NLRC4: variants seen among roughly 807,000 people sequenced by gnomAD.
The protein encoded by NLRC4 is NLR family CARD domain-containing protein 4.
A neutral mutation model predicts 79.9 loss-of-function variants in NLRC4; 63 were observed. The ratio of observed to expected loss-of-function variants is 0.79; its 90% CI spans 0.64 to 0.97. The LOEUF (loss-of-function observed/expected upper bound fraction) is 0.97, where lower values mean the gene tolerates loss of function less well. Ranked by LOEUF, NLRC4 falls within the 50% of genes least tolerant of loss-of-function variation. The pLI is 0.00. For missense variants in NLRC4, 1,074 were observed against 1,215.2 expected (o/e 0.88, Z 1.73); for synonymous variants, 461 against 456.5 (o/e 1.01, Z -0.12).
chr2:32,249,619 G>T lies in NLRC4; in HGVS notation c.2245C>A (p.Gln749Lys). The T allele has an allele frequency of 6.3e-7, 1 of 1,586,350 alleles. No individual in the cohort carries two copies. Among genetic ancestry groups the T allele is most frequent in the South Asian group, 1.2e-5 (1 of 86,764 alleles). ...ATATTTACAATACCCGGCAGCCGTT[G>T]ATTCTGTAGGTCATGAATACTCAAG... Reference protein sequence around the residue: ...KTLSIHDLQNQRLPGGLTDSL... With the variant: ...KTLSIHDLQNKRLPGGLTDSL... The change falls in exon 4 of 9, where the codon CAA becomes AAA. Residue 749 changes from glutamine to lysine, a missense_variant. By Grantham distance (53) the Gln-to-Lys change is moderately conservative. Transcript: ENST00000402280.
chr2:32,236,217 A>G (rs750580592), intron 7 of NLRC4, 30 bp downstream of exon 7: 1 of 1,382,694 alleles, frequency 7.2e-7, no homozygotes, highest in Non-Finnish European at 1.0e-6. Flanking sequence ...ATATTCAAGT[A>G]TCTAATTTTG....
intron 1 of NLRC4, among the ~76,000 whole-genome samples, chr2:32,260,213 CAAAAAA>C (rs1197388989): frequency 2.7e-5 from 2 of 75,078 alleles, no homozygotes; most frequent in Non-Finnish European, 4.6e-5. Flanking sequence ...TGGGCAACGA[CAAAAAA>C]AAAAAAAAAA....
intron 8 of NLRC4, among the ~76,000 whole-genome samples, chr2:32,225,663 T>G (rs893863372): frequency 5.3e-5 from 8 of 152,224 alleles, no homozygotes; most frequent in Admixed American, 2.0e-4. Flanking sequence ...CCTACCCACC[T>G]ACCTGGCCCT....
At chr2:32,246,886 C>T (rs936416699) in intron 4 of NLRC4, among the ~76,000 whole-genome samples, 4 of 152,144 alleles carry the variant, frequency 2.6e-5, no homozygotes, top group Non-Finnish European at 4.4e-5. Context: ...AGTGATCCTC[C>T]CACCTCAGCC....
At chr2:32,240,432 G>A (rs889159304) in intron 5 of NLRC4, among the ~76,000 whole-genome samples, 78 of 148,362 alleles carry the variant, frequency 5.3e-4, no homozygotes, top group Admixed American at 1.3e-3. Context: ...TCCAACACAC[G>A]AGAAAACAGG....
Position 32,250,141 on chromosome 2 carries a change from A to T in NLRC4, c.1723T>A (p.Phe575Ile), listed in dbSNP as rs767673411. The change falls in exon 4 of 9, where the codon TTT (phenylalanine) becomes ATT (isoleucine). Residue 575 changes from phenylalanine to isoleucine, a missense_variant. By Grantham distance (21) the Phe-to-Ile change is conservative (BLOSUM62 0). Transcript: ENST00000402280. This position sits in a 1 kb window ranked among gnomAD's most constrained non-coding sequence, Gnocchi z 4.9. ...STSKSALSQE[F>I]EAFFQGKSLY... Reference sequence around the variant, plus strand: ...CTTTTACCTTGAAAGAAAGCTTCAAATTCTTGGCTCAGGGCTGATTTGGAT... The same window carrying T: ...CTTTTACCTTGAAAGAAAGCTTCAATTTCTTGGCTCAGGGCTGATTTGGAT... 6.2e-7 allele frequency: 1 copy of T among 1,614,160 alleles called. No individual in the cohort carries two copies. The highest frequency in any genetic ancestry group is 8.5e-7 in the Non-Finnish European group (1 of 1,180,026).
chr2:32,236,029 G>A lies in NLRC4; in HGVS notation c.2614+218C>T, dbSNP rs540437497. Among the ~76,000 whole-genome samples, 6 of 152,218 alleles carry A rather than the reference G, an allele frequency of 3.9e-5. No individual in the cohort carries two copies. In the South Asian group the frequency reaches 1.0e-3, roughly 26 times the overall value. On this transcript the variant is annotated intron_variant, in intron 7 of 8. Transcript: ENST00000402280. ...AAAGGAGGAAAGCAGGTGGGATACC[G>A]CCTCAAAGTGCAGTGAGCATATGTA... is the stretch of plus-strand genomic sequence containing the variant.
At chr2:32,242,746 C>T (rs1020036229) in intron 4 of NLRC4, among the ~76,000 whole-genome samples, 4 of 152,078 alleles carry the variant, frequency 2.6e-5, no homozygotes, top group Admixed American at 1.3e-4. Context: ...CAGAAAAAGA[C>T]GTAGAAGAAA....
chr2:32,243,732 C>T (rs924493826), intron 4 of NLRC4, among the ~76,000 whole-genome samples: 1 of 141,908 alleles, frequency 7.0e-6, no homozygotes, highest in Non-Finnish European at 1.5e-5. Context: ...CAGGAGGCGG[C>T]GGTTGCAGTG....
intron 6 of NLRC4, among the ~76,000 whole-genome samples, chr2:32,236,979 C>G (rs1686688315): frequency 6.6e-6 from 1 of 152,072 alleles, no homozygotes; most frequent in Non-Finnish European, 1.5e-5. Flanking sequence ...ATATTCAGAA[C>G]TTTTTTTAAA....
intron 7 of NLRC4, among the ~76,000 whole-genome samples, chr2:32,235,968 T>C (rs1372925833): frequency 1.3e-5 from 2 of 152,172 alleles, no homozygotes; most frequent in African/African-American, 4.8e-5. Context: ...AGCAAATTTG[T>C]CTTGCACATC....
intron 1 of NLRC4, among the ~76,000 whole-genome samples, chr2:32,257,858 G>A (rs1411108161): frequency 6.6e-6 from 1 of 152,052 alleles, no homozygotes; most frequent in Non-Finnish European, 1.5e-5. Context: ...CAATCCCACG[G>A]CAGTGTCTAG....
chr2:32,227,249 TG>T (rs1474579022), intron 8 of NLRC4, among the ~76,000 whole-genome samples: 2 of 152,190 alleles, frequency 1.3e-5, no homozygotes, highest in Non-Finnish European at 2.9e-5. Context: ...TGCTCATTTC[TG>T]GACTGTTACA....
intron 8 of NLRC4, among the ~76,000 whole-genome samples, chr2:32,228,783 T>G (rs1314629902): frequency 3.3e-5 from 5 of 152,062 alleles, no homozygotes; most frequent in Non-Finnish European, 7.4e-5. Flanking sequence ...TTTTTTCTTT[T>G]TTTGAGACAG....
chr2:32,232,824 T>C (rs112866161), intron 8 of NLRC4, among the ~76,000 whole-genome samples: 2,049 of 151,704 alleles, frequency 0.014, 51 homozygotes, highest in African/African-American at 0.045. Flanking sequence ...ATACAGGAGG[T>C]TGTGGTTTGA....
At chr2:32,246,817 G>A (rs910380575) in intron 4 of NLRC4, among the ~76,000 whole-genome samples, 1 of 152,148 alleles carries the variant, frequency 6.6e-6, no homozygotes, top group Non-Finnish European at 1.5e-5. Flanking sequence ...GGGTCTTGCT[G>A]TGTTGCCCAG....
chr2:32,241,731 A>C (rs1346028065), intron 4 of NLRC4, among the ~76,000 whole-genome samples: 1 of 152,188 alleles, frequency 6.6e-6, no homozygotes, highest in Non-Finnish European at 1.5e-5. Flanking sequence ...TTTTTAAATA[A>C]TCATGCATTA....
intron 3 of NLRC4, 82 bp from the exon 4 acceptor site, chr2:32,251,683 G>T: frequency 1.1e-6 from 1 of 922,362 alleles, no homozygotes. Context: ...GAACGGGGGG[G>T]TGAGGCTGAG....
chr2:32,235,389 G>A lies in NLRC4; in HGVS notation c.2782+12C>T. ...AAATCCAGTTATCTTGGCTCTGTAT[G>A]TGTGTACCTACCTAAAATTCTAATC... On this transcript the variant is annotated intron_variant, in intron 8 of 8. Coordinates refer to ENST00000402280, the MANE Select transcript of NLRC4 (RefSeq NM_001199138.2). 6 of 1,607,582 alleles carry A rather than the reference G, an allele frequency of 3.7e-6. No individual in the cohort carries two copies. The highest frequency in any genetic ancestry group is 5.1e-6 in the Non-Finnish European group (6 of 1,173,974).
Sources: allele counts gnomAD v4.1 joint callset (sites outside exome capture counted in the v4.1 genomes callset), GRCh38; gene constraint gnomAD v4.1.1; non-coding constraint Gnocchi (gnomAD v3.1); transcripts MANE v1.5; gene names NCBI Gene and HGNC (gene_info 2026-07-23, HGNC 2026-07-21).